NHSL2: variants seen among roughly 807,000 people sequenced by gnomAD.
NHSL2 encodes the protein NHS like 2, also known as NHS-like protein 2.
In NHSL2, 27 loss-of-function variants were observed where a neutral mutation model predicts 53.4. The observed-to-expected ratio is 0.51, with a 90% CI of 0.37 to 0.70. The LOEUF (loss-of-function observed/expected upper bound fraction) is 0.70, where lower values mean the gene tolerates loss of function less well. Ranked by LOEUF, NHSL2 falls within the 30% of genes least tolerant of loss-of-function variation. The pLI, the probability that NHSL2 is intolerant of heterozygous loss-of-function variation, is 0.00. For missense variants in NHSL2, 892 were observed against 980.1 expected, an observed-to-expected ratio of 0.91 and a Z score of 1.20; for synonymous variants, 408 against 404.1, an observed-to-expected ratio of 1.01 and a Z score of -0.12.
chrX:72,092,307 G>C, intron 1 of NHSL2, among the ~76,000 whole-genome samples: 1 of 111,952 alleles, frequency 8.9e-6, no homozygotes, highest in Non-Finnish European at 1.9e-5. Flanking sequence ...CTCTGCTACT[G>C]CTGTCTCCCT....
At chrX:71,943,298 T>G (rs1053993603) in intron 1 of NHSL2, among the ~76,000 whole-genome samples, 15 of 112,272 alleles carry the variant, frequency 1.3e-4, no homozygotes, top group Non-Finnish European at 2.4e-4. Context: ...ATCACCCGTT[T>G]GAATACCACA....
intron 1 of NHSL2, chrX:72,129,897 A>AG (rs773427785): frequency 1.7e-6 from 2 of 1,210,016 alleles, no homozygotes; most frequent in East Asian, 3.0e-5. Flanking sequence ...GGAAAAGCAC[A>AG]GGGGGGCGTC....
intron 1 of NHSL2, among the ~76,000 whole-genome samples, chrX:72,106,826 G>A (rs61248597): frequency 0.13 from 14,756 of 110,603 alleles, 1,362 homozygotes; most frequent in African/African-American, 0.33. Flanking sequence ...ACATGGATGA[G>A]GCTGGAAATC....
intron 1 of NHSL2, among the ~76,000 whole-genome samples, chrX:72,013,251 A>G (rs1347175828): frequency 1.8e-5 from 2 of 111,963 alleles, no homozygotes; most frequent in African/African-American, 6.5e-5. Flanking sequence ...AGCGCTATAC[A>G]TATCTTGTTA....
At chrX:72,104,099 G>A (rs763964214) in intron 1 of NHSL2, among the ~76,000 whole-genome samples, 1 of 112,343 alleles carries the variant, frequency 8.9e-6, no homozygotes, top group Non-Finnish European at 1.9e-5. Flanking sequence ...TATGAACACA[G>A]GCCACACATC....
At chrX:72,058,501 C>A (rs761874840) in intron 1 of NHSL2, among the ~76,000 whole-genome samples, 1 of 111,602 alleles carries the variant, frequency 9.0e-6, no homozygotes, top group Non-Finnish European at 1.9e-5. Flanking sequence ...CGCGCCACCA[C>A]GCCCAGCTAA....
intron 1 of NHSL2, among the ~76,000 whole-genome samples, chrX:72,039,350 A>G (rs2042260991): frequency 9.0e-6 from 1 of 111,363 alleles, no homozygotes; most frequent in African/African-American, 3.3e-5. Context: ...GCTGTACACT[A>G]TTCCATGTAA....
At chrX:72,063,847 A>G (rs1224108629) in intron 1 of NHSL2, among the ~76,000 whole-genome samples, 1 of 110,670 alleles carries the variant, frequency 9.0e-6, no homozygotes, top group African/African-American at 3.3e-5. Flanking sequence ...AATTAACTCA[A>G]GGGGAAGACT....
At chrX:72,108,192 C>T (rs1336269428) in intron 1 of NHSL2, among the ~76,000 whole-genome samples, 1 of 111,940 alleles carries the variant, frequency 8.9e-6, no homozygotes, top group Non-Finnish European at 1.9e-5. Flanking sequence ...CCCAGTGGCA[C>T]AGTGGTGTGC....
At chrX:72,077,620 G>C (rs1264363435) in intron 1 of NHSL2, among the ~76,000 whole-genome samples, 1 of 112,217 alleles carries the variant, frequency 8.9e-6, no homozygotes, top group African/African-American at 3.2e-5. Context: ...ATATGGACTG[G>C]GACTCTAATT....
At chrX:72,040,876 G>A (rs1182284186) in intron 1 of NHSL2, among the ~76,000 whole-genome samples, 1 of 112,504 alleles carries the variant, frequency 8.9e-6, no homozygotes, top group African/African-American at 3.2e-5. Context: ...AAGGCCCTGC[G>A]CTAGGAGCTG....
chrX:72,131,932 G>C lies in NHSL2; in HGVS notation c.281-147G>C. 5.6e-6 allele frequency: 3 copies of C among 535,362 alleles called. No homozygotes were observed. The South Asian group carries it at 9.0e-5, about 16-fold the overall frequency. 44.1% of individuals were successfully genotyped at this position (535,362 alleles called of 1,213,427 possible). ...TCTGTCGAGGAAAAATCTTGCGGCC[G>C]GCGATTCCCCGCCTTTTAAGCGCAG... On this transcript the variant is annotated intron_variant, in intron 1 of 7. Transcript: ENST00000633930.
At chrX:72,069,877 C>T (rs1381068354) in intron 1 of NHSL2, 3 of 308,088 alleles carry the variant, frequency 9.7e-6, no homozygotes, top group Non-Finnish European at 1.6e-5. Flanking sequence ...GGAGAGAACC[C>T]GAGGGAAATG....
intron 1 of NHSL2, among the ~76,000 whole-genome samples, chrX:71,918,414 A>G (rs1231471366): frequency 9.2e-6 from 1 of 108,309 alleles, no homozygotes; most frequent in African/African-American, 3.4e-5. Flanking sequence ...TTTAAAAAAT[A>G]TCTATCATCT....
intron 1 of NHSL2, among the ~76,000 whole-genome samples, chrX:72,068,458 G>T (rs1218395943): frequency 8.9e-6 from 1 of 112,320 alleles, no homozygotes; most frequent in African/African-American, 3.2e-5. Context: ...GCATTGAGCA[G>T]TACCACCACT....
chrX:72,064,248 G>GGAGTCA (rs1480071828), intron 1 of NHSL2, among the ~76,000 whole-genome samples: 1 of 111,704 alleles, frequency 9.0e-6, no homozygotes, highest in African/African-American at 3.3e-5. Context: ...ACAGCCCACT[G>GGAGTCA]GAGTCAGAGT....
chrX:72,008,963 T>G (rs1388635445), intron 1 of NHSL2, among the ~76,000 whole-genome samples: 1 of 111,713 alleles, frequency 9.0e-6, no homozygotes, highest in Non-Finnish European at 1.9e-5. Flanking sequence ...TCACTCAGAT[T>G]CAAAGTCAAA....
At chrX:72,062,589 C>G (rs1047522379) in intron 1 of NHSL2, among the ~76,000 whole-genome samples, 2 of 112,145 alleles carry the variant, frequency 1.8e-5, no homozygotes, top group Non-Finnish European at 3.8e-5. Flanking sequence ...CAGGTCTCCA[C>G]CACACCCTGT....
intron 1 of NHSL2, among the ~76,000 whole-genome samples, chrX:72,107,799 A>C (rs1326301623): frequency 8.9e-6 from 1 of 112,006 alleles, no homozygotes; most frequent in African/African-American, 3.3e-5. Context: ...GGAACAATTC[A>C]GCTGATGAAT....
Sources: gnomAD v4.1 joint callset for allele counts (sites outside exome capture counted in the v4.1 genomes callset) on GRCh38, gnomAD v4.1.1 for gene constraint, MANE v1.5 for transcripts, NCBI Gene and HGNC (gene_info 2026-07-23, HGNC 2026-07-21) for gene names.